The following PICALM variants were observed in gnomAD, a reference collection of about 807,000 sequenced individuals.
The protein encoded by PICALM is phosphatidylinositol binding clathrin assembly protein, also known as phosphatidylinositol-binding clathrin assembly protein.
PICALM carries 40 observed loss-of-function variants against 80.5 expected under a neutral mutation model. The observed-to-expected ratio is 0.50, with a 90% confidence interval of 0.39 to 0.65. The LOEUF (loss-of-function observed/expected upper bound fraction) is 0.65, where lower values mean the gene tolerates loss of function less well. Among genes scored for constraint, PICALM ranks in the 30% least tolerant of loss-of-function variants. PICALM has a pLI of 0.00. For synonymous variants in PICALM, 288 were observed against 260.3 expected (o/e 1.11, Z -1.02); for missense variants, 676 against 778.9 (o/e 0.87, Z 1.57).
At chr11:85,998,147 C>T (rs906528198) in intron 11 of PICALM, among the ~76,000 whole-genome samples, 6 of 145,846 alleles carry the variant, frequency 4.1e-5, no homozygotes, top group African/African-American at 7.6e-5. Context: ...AGTCTCGCTC[C>T]GTCGCCCAGG....
chr11:85,963,075 G>A (rs2093743596), intron 19 of PICALM, among the ~76,000 whole-genome samples: 1 of 152,148 alleles, frequency 6.6e-6, no homozygotes, highest in Non-Finnish European at 1.5e-5. Flanking sequence ...AACTATAAGA[G>A]CTGACTTGAC....
chr11:85,982,555 G>A (rs1316515811), intron 14 of PICALM, among the ~76,000 whole-genome samples: 1 of 146,878 alleles, frequency 6.8e-6, no homozygotes, highest in East Asian at 2.0e-4. Context: ...AGCCTCCCGA[G>A]TAGCTGGGAC....
intron 7 of PICALM, among the ~76,000 whole-genome samples, chr11:86,008,064 GCT>G (rs751637096): frequency 6.6e-6 from 1 of 152,060 alleles, no homozygotes; most frequent in Non-Finnish European, 1.5e-5. Flanking sequence ...AAAAACTCAT[GCT>G]CTGTCAGGTA....
intron 9 of PICALM, among the ~76,000 whole-genome samples, chr11:86,002,078 G>C (rs2095160879): frequency 6.6e-6 from 1 of 152,166 alleles, no homozygotes; most frequent in Admixed American, 6.5e-5. Flanking sequence ...ACATAGTTGT[G>C]ACAGAAATGC....
chr11:85,971,103 A>G (rs1324923182), intron 19 of PICALM, among the ~76,000 whole-genome samples: 1 of 152,234 alleles, frequency 6.6e-6, no homozygotes, highest in Non-Finnish European at 1.5e-5. Context: ...TAACAAATTT[A>G]AGATTCTGAC....
intron 8 of PICALM, among the ~76,000 whole-genome samples, chr11:86,005,775 CAAAA>C (rs573132171): frequency 1.6e-5 from 2 of 127,884 alleles, no homozygotes; most frequent in South Asian, 2.5e-4. Flanking sequence ...AAGAAATTAC[CAAAA>C]AAAAAAAAAA....
chr11:86,030,610 T>C (rs973260717), intron 2 of PICALM, among the ~76,000 whole-genome samples: 1 of 152,204 alleles, frequency 6.6e-6, no homozygotes, highest in Non-Finnish European at 1.5e-5. Flanking sequence ...TGCTAGGCTA[T>C]CACGGAAAGT....
intron 1 of PICALM, among the ~76,000 whole-genome samples, chr11:86,035,095 A>G (rs2095817428): frequency 6.6e-6 from 1 of 151,226 alleles, no homozygotes; most frequent in Non-Finnish European, 1.5e-5. Flanking sequence ...AGTGAAATGC[A>G]AAACAGTATT....
At chr11:85,973,715 T>C (rs1423458307) in intron 19 of PICALM, among the ~76,000 whole-genome samples, 2 of 152,168 alleles carry the variant, frequency 1.3e-5, no homozygotes, top group Non-Finnish European at 2.9e-5. Flanking sequence ...ATTGGCAATG[T>C]AAGACTATAT....
intron 13 of PICALM, among the ~76,000 whole-genome samples, chr11:85,985,036 G>A (rs542618349): frequency 2.6e-5 from 4 of 152,010 alleles, no homozygotes; most frequent in Non-Finnish European, 5.9e-5. Context: ...TACTAAGTCA[G>A]AATATAAAAA....
chr11:85,984,394 A>G (rs2094522380), intron 13 of PICALM, among the ~76,000 whole-genome samples: 1 of 152,152 alleles, frequency 6.6e-6, no homozygotes, highest in Admixed American at 6.5e-5. Flanking sequence ...TAGTAGCCCC[A>G]AGATAAAAGT....
chr11:85,992,238 T>C (rs1834227146), intron 12 of PICALM, among the ~76,000 whole-genome samples: 1 of 151,932 alleles, frequency 6.6e-6, no homozygotes, highest in African/African-American at 2.4e-5. Flanking sequence ...GGAGTTGCAT[T>C]AAGCTTACAG....
At chr11:85,972,172 A>G (rs972379393) in intron 19 of PICALM, among the ~76,000 whole-genome samples, 1 of 152,222 alleles carries the variant, frequency 6.6e-6, no homozygotes, top group African/African-American at 2.4e-5. Flanking sequence ...CAATGTTTCA[A>G]GGTTGAAGGT....
chr11:85,983,833 TATA>T lies in PICALM; in HGVS notation c.1516+30_1516+32del, dbSNP rs1565285607. ...TTACACAGAATCTAAATTAGGACAT[TATA>T]ATATTTTTAATAAAATTTTTTTTCC... On this transcript the variant is annotated intron_variant, in intron 14 of 19. Coordinates refer to ENST00000393346, the MANE Select transcript of PICALM (RefSeq NM_007166.4). 4 of 853,776 alleles carry T rather than the reference TATA, an allele frequency of 4.7e-6. No individual in the cohort carries two copies. In the East Asian group the frequency reaches 8.1e-5, roughly 17 times the overall value. The allele number at this position is 853,776 out of a possible 1,614,324, so 52.9% of individuals were successfully genotyped here. A position where few individuals can be genotyped will look rare whatever the true frequency, so the allele number is the denominator to read the frequency against.
intron 1 of PICALM, among the ~76,000 whole-genome samples, chr11:86,035,670 C>T (rs917437679): frequency 3.9e-5 from 6 of 151,980 alleles, no homozygotes; most frequent in Admixed American, 1.3e-4. Flanking sequence ...CGGCTGGGCA[C>T]GGTGGCTCAC....
At chr11:85,974,614 G>A in intron 19 of PICALM, 94 bp downstream of exon 19, 1 of 820,868 alleles carries the variant, frequency 1.2e-6, no homozygotes, top group Non-Finnish European at 2.2e-6. Context: ...GAAAGTGCTA[G>A]TAACTTGTTT....
At chr11:86,013,026 A>G (rs2095423958) in intron 5 of PICALM, among the ~76,000 whole-genome samples, 1 of 152,144 alleles carries the variant, frequency 6.6e-6, no homozygotes, top group African/African-American at 2.4e-5. Context: ...AAAGAAAAGA[A>G]CACGGTAGCT....
chr11:86,047,925 C>A (rs1319860548), intron 1 of PICALM, among the ~76,000 whole-genome samples: 2 of 151,868 alleles, frequency 1.3e-5, no homozygotes, highest in African/African-American at 4.8e-5. Context: ...CATGGTGAAA[C>A]CTCGTCTCTA....
intron 1 of PICALM, among the ~76,000 whole-genome samples, chr11:86,062,455 T>G (rs1324655846): frequency 6.6e-6 from 1 of 151,800 alleles, no homozygotes; most frequent in African/African-American, 2.4e-5. Context: ...GAGGCAAAGG[T>G]TGCAGTTAGC....
Sources: gnomAD v4.1 joint callset for allele counts (sites outside exome capture counted in the v4.1 genomes callset) on GRCh38, gnomAD v4.1.1 for gene constraint, MANE v1.5 for transcripts, NCBI Gene and HGNC (gene_info 2026-07-23, HGNC 2026-07-21) for gene names.